MACROD2: variants seen among roughly 807,000 people sequenced by gnomAD.
MACROD2 encodes ADP-ribose glycohydrolase MACROD2.
Under a neutral mutation model 70.4 loss-of-function variants are expected in MACROD2, and 36 were observed. That is an observed-to-expected ratio of 0.51 (90% CI 0.39 to 0.68). MACROD2 has a LOEUF of 0.68. Among genes scored for constraint, MACROD2 ranks in the 30% least tolerant of loss-of-function variants. MACROD2 has a pLI of 0.00. For synonymous variants in MACROD2, 172 were observed against 178.8 expected, an observed-to-expected ratio of 0.96 and a Z score of 0.30; for missense variants, 496 against 538.4, an observed-to-expected ratio of 0.92 and a Z score of 0.78.
rs868613498 is a variant in MACROD2 at position 15,335,600 on chromosome 20, G to A, written c.541-95805G>A. On this transcript the variant is annotated intron_variant, in intron 6 of 17. Coordinates refer to ENST00000684519, the MANE Select transcript of MACROD2 (RefSeq NM_001351661.2). The stretch of plus-strand genomic sequence containing the variant: ...TGTAAATATTATAATAAATACATTA[G>A]TAATGCAGACAGCCTACAAAATAGT... 1.6e-4 allele frequency among the ~76,000 whole-genome samples: 24 copies of A among 151,712 alleles called. 2 individuals carry two copies. The highest frequency in any genetic ancestry group is 6.8e-3 in the Middle Eastern group (2 of 294).
chr20:15,084,108 C>T (rs1008141471), intron 5 of MACROD2, among the ~76,000 whole-genome samples: 10 of 100,054 alleles, frequency 1.0e-4, no homozygotes, highest in African/African-American at 2.8e-4. Flanking sequence ...TCTTTTTGCC[C>T]ATCCTGGAGT....
chr20:15,524,871 C>T (rs943191259), intron 8 of MACROD2, among the ~76,000 whole-genome samples: 1 of 152,196 alleles, frequency 6.6e-6, no homozygotes, highest in South Asian at 2.1e-4. Context: ...TGGTGGCTAC[C>T]ATATTGGACA....
intron 8 of MACROD2, among the ~76,000 whole-genome samples, chr20:15,581,315 C>T (rs1190958889): frequency 6.6e-6 from 1 of 152,218 alleles, no homozygotes; most frequent in Non-Finnish European, 1.5e-5. Context: ...CACAGACGTC[C>T]ACTGGTTGTC....
At chr20:15,904,067 A>C (rs1235309095) in intron 10 of MACROD2, among the ~76,000 whole-genome samples, 1 of 152,248 alleles carries the variant, frequency 6.6e-6, no homozygotes, top group Non-Finnish European at 1.5e-5. Flanking sequence ...CAGGAAAAAC[A>C]GTTCTTCACT....
intron 8 of MACROD2, among the ~76,000 whole-genome samples, chr20:15,814,383 C>T (rs1228275626): frequency 6.6e-6 from 1 of 152,172 alleles, no homozygotes; most frequent in African/African-American, 2.4e-5. Flanking sequence ...ATCAATACCC[C>T]AGCTCCCCTC....
At chr20:14,951,737 T>G (rs1726764798) in intron 5 of MACROD2, among the ~76,000 whole-genome samples, 2 of 152,038 alleles carry the variant, frequency 1.3e-5, no homozygotes, top group Admixed American at 6.6e-5. Flanking sequence ...CTGACAATCC[T>G]CCATGCTTAA....
At position 14,172,967 on chromosome 20, in the gene MACROD2, G is replaced by T. The variant is rs569233709; in HGVS notation, c.271+87239G>T. The stretch of plus-strand genomic sequence containing the variant: ...TTTAGTTTAAGGAGACTAAAGATAG[G>T]ACCCCAATCACTTCTAGCTTGTAGG... On this transcript the variant is annotated intron_variant, in intron 3 of 17. Coordinates refer to ENST00000684519, the MANE Select transcript of MACROD2 (RefSeq NM_001351661.2). 8.3e-4 allele frequency among the ~76,000 whole-genome samples: 126 copies of T among 152,272 alleles called. 1 individual carries two copies. The South Asian group carries it at 0.024, about 29-fold the overall frequency.
At chr20:16,000,104 C>T (rs1248136031) in intron 15 of MACROD2, among the ~76,000 whole-genome samples, 2 of 152,260 alleles carry the variant, frequency 1.3e-5, no homozygotes, top group East Asian at 3.9e-4. Flanking sequence ...ATAAAGTTTT[C>T]TTAGAACATG....
At position 14,758,090 on chromosome 20, in the gene MACROD2, TC is replaced by T. The variant is rs572174008; in HGVS notation, c.418+73133del. The T allele has an allele frequency of 4.5e-4, 179 of 399,698 alleles. 1 individual carries two copies. Among genetic ancestry groups the T allele is most frequent in the Non-Finnish European group, 6.7e-4 (148 of 221,974 alleles). 24.8% of individuals were successfully genotyped at this position (399,698 alleles called of 1,614,324 possible). ...AGGGTTATTTTGCATTGTATAAACA[TC>T]CAGCCAAAAAAGCTTAAAAAAAAAA... On this transcript the variant is annotated intron_variant, in intron 5 of 17. Transcript: ENST00000684519.
intron 3 of MACROD2, among the ~76,000 whole-genome samples, chr20:14,416,239 G>A (rs190334775): frequency 1.3e-5 from 2 of 152,066 alleles, no homozygotes; most frequent in Non-Finnish European, 2.9e-5. Context: ...TTACAGGCGT[G>A]AGCCACCGCA....
Position 14,099,061 on chromosome 20 carries a change from C to T in MACROD2, c.271+13333C>T, listed in dbSNP as rs570116806. On this transcript the variant is annotated intron_variant, in intron 3 of 17. Coordinates refer to ENST00000684519, the MANE Select transcript of MACROD2 (RefSeq NM_001351661.2). Reference sequence around the variant, plus strand: ...TTGGGAGGCCGAGGCAGGTGGTTCACGAGGTCAGGAGTTCAAGACCAGCCT... The same window carrying T: ...TTGGGAGGCCGAGGCAGGTGGTTCATGAGGTCAGGAGTTCAAGACCAGCCT... Among the ~76,000 whole-genome samples the T allele has an allele frequency of 2.8e-4, 43 of 152,198 alleles. 1 individual carries two copies. Among genetic ancestry groups the T allele is most frequent in the Admixed American group, 6.5e-4 (10 of 15,276 alleles).
At chr20:15,469,207 A>T (rs2046933630) in intron 7 of MACROD2, among the ~76,000 whole-genome samples, 1 of 152,248 alleles carries the variant, frequency 6.6e-6, no homozygotes, top group Non-Finnish European at 1.5e-5. Flanking sequence ...AAATGTATAT[A>T]ATATGCACAA....
intron 3 of MACROD2, among the ~76,000 whole-genome samples, chr20:14,479,278 C>A (rs1030256729): frequency 6.6e-6 from 1 of 152,094 alleles, no homozygotes; most frequent in Non-Finnish European, 1.5e-5. Context: ...GTAGATCATC[C>A]TGGCAGGTGC....
intron 12 of MACROD2, among the ~76,000 whole-genome samples, chr20:15,949,798 T>A (rs1187098143): frequency 1.3e-5 from 2 of 152,162 alleles, no homozygotes; most frequent in African/African-American, 4.8e-5. Flanking sequence ...CCAGCACAAT[T>A]TTTAGAGTGA....
chr20:14,382,100 C>T (rs1355033094), intron 3 of MACROD2, among the ~76,000 whole-genome samples: 2 of 137,154 alleles, frequency 1.5e-5, no homozygotes, highest in African/African-American at 2.8e-5. Context: ...CTCGCTCTGT[C>T]GCCCAAGCTG....
intron 8 of MACROD2, among the ~76,000 whole-genome samples, chr20:15,728,584 T>C (rs939196503): frequency 6.6e-6 from 1 of 152,198 alleles, no homozygotes; most frequent in African/African-American, 2.4e-5. Flanking sequence ...GAAGACATCA[T>C]TGGTCCATTC....
intron 5 of MACROD2, among the ~76,000 whole-genome samples, chr20:14,721,025 C>A (rs975552479): frequency 6.6e-6 from 1 of 151,762 alleles, no homozygotes; most frequent in Non-Finnish European, 1.5e-5. Flanking sequence ...GAGGCCGAGG[C>A]GGGTGGGTTG....
intron 7 of MACROD2, among the ~76,000 whole-genome samples, chr20:15,469,265 A>G (rs1320776979): frequency 6.6e-6 from 1 of 152,228 alleles, no homozygotes; most frequent in African/African-American, 2.4e-5. Context: ...AGAGATGAGC[A>G]AAAGAAAGGA....
At chr20:14,953,179 A>AT (rs1224709436) in intron 5 of MACROD2, among the ~76,000 whole-genome samples, 35 of 152,114 alleles carry the variant, frequency 2.3e-4, no homozygotes, top group African/African-American at 8.2e-4. Context: ...CTGAGTCAAA[A>AT]ATGTATTGGG....
Sources: allele counts gnomAD v4.1 joint callset (sites outside exome capture counted in the v4.1 genomes callset), GRCh38; gene constraint gnomAD v4.1.1; transcripts MANE v1.5; gene names NCBI Gene and HGNC (gene_info 2026-07-23, HGNC 2026-07-21).